RNF123: variants seen among roughly 807,000 people sequenced by gnomAD.
RNF123 encodes the protein E3 ubiquitin-protein ligase RNF123.
Under a neutral mutation model 168.5 loss-of-function variants are expected in RNF123, and 86 were observed. That is an observed-to-expected ratio of 0.51 (90% CI 0.43 to 0.61). RNF123 has a LOEUF of 0.61. Among genes scored for constraint, RNF123 ranks in the 20% least tolerant of loss-of-function variants. The pLI is 0.00. For synonymous variants in RNF123, 666 were observed against 689.1 expected (o/e 0.97, Z 0.52); for missense variants, 1,419 against 1,729.7 (o/e 0.82, Z 3.19).
chr3:49,709,002 C>T (rs1311368024), intron 26 of RNF123, among the ~76,000 whole-genome samples: 1 of 152,166 alleles, frequency 6.6e-6, no homozygotes, highest in Non-Finnish European at 1.5e-5. Flanking sequence ...GAGTCTCACT[C>T]TGTCACCCAG....
At chr3:49,709,793 G>C (rs1335246660) in intron 26 of RNF123, among the ~76,000 whole-genome samples, 2 of 150,580 alleles carry the variant, frequency 1.3e-5, no homozygotes, top group Admixed American at 1.3e-4. Context: ...GGCTGGTCTT[G>C]AACTGCTGAC....
In RNF123 at chr3:49,700,344, T is replaced by C; in HGVS notation, c.1102T>C (p.Phe368Leu). 6.2e-7 allele frequency: 1 copy of C among 1,614,160 alleles called. No homozygotes were observed. ...VHQVLDLLWL[F>L]MEDYEVQDCL... ...CCAGGTCCTGGACCTCTTGTGGCTC[T>C]TCATGGAGGTGAGGCTCCTGACCTC... The change falls in exon 13 of 39, where the codon TTC becomes CTC. Residue 368 changes from phenylalanine to leucine, a missense_variant. Around this residue, in one of 5 missense-constraint regions of RNF123, gnomAD observed 349 missense variants for 344.9 expected, o/e 1.01. Transcript: ENST00000327697.
At chr3:49,702,519 C>A in intron 19 of RNF123, 114 bp downstream of exon 19, 1 of 1,605,796 alleles carries the variant, frequency 6.2e-7, no homozygotes, top group Non-Finnish European at 8.5e-7. Flanking sequence ...CCAAGCTTTT[C>A]TCTGCTGCTT....
intron 35 of RNF123, chr3:49,717,470 C>T (rs2080270795): frequency 1.2e-5 from 2 of 171,618 alleles, no homozygotes; most frequent in African/African-American, 4.8e-5. Flanking sequence ...GGGCCCACTC[C>T]CTCCCACCCC....
intron 35 of RNF123, chr3:49,718,193 G>A (rs774925426): frequency 6.2e-7 from 1 of 1,613,052 alleles, no homozygotes; most frequent in East Asian, 2.2e-5. Flanking sequence ...TCTTGGAGCG[G>A]GCTGGGTGTT....
chr3:49,706,102 T>C, intron 25 of RNF123, 37 bp downstream of exon 25: 2 of 1,573,162 alleles, frequency 1.3e-6, no homozygotes, highest in Non-Finnish European at 1.7e-6. Flanking sequence ...GGCAGCTTGC[T>C]TACTCGTACA....
rs144900603 is a variant in RNF123 at position 49,718,702 on chromosome 3, T to C, written c.3501-1809T>C. On this transcript the variant is annotated intron_variant, in intron 35 of 38. Coordinates refer to ENST00000327697, the MANE Select transcript of RNF123 (RefSeq NM_022064.5). ...GAAGCGCACGCGGGACGCGGGTACC[T>C]TGAAGGCCAAGCATACGTACTCGCG... 5.0e-6 allele frequency: 8 copies of C among 1,612,886 alleles called. No individual in the cohort carries two copies. The African/African-American group carries it at 9.3e-5, about 19-fold the overall frequency.
intron 26 of RNF123, among the ~76,000 whole-genome samples, chr3:49,711,646 G>T (rs186934515): frequency 1.3e-3 from 200 of 152,202 alleles, no homozygotes; most frequent in African/African-American, 4.6e-3. Context: ...AAGCCCAGGT[G>T]CTGTGACCGC....
chr3:49,698,763 A>C lies in RNF123; in HGVS notation c.579A>C (p.Ala193=), dbSNP rs1390918812. ...VTTTNYGKAW[A]AGDIVSCLID... is the part of the protein sequence containing the mutation. ...GCCTCCTCTCATGGCAGGCGTGGGC[A>C]GCGGGGGACATCGTGAGCTGCCTGA... The change falls in exon 9 of 39, where the codon GCA becomes GCC. Residue 193 remains alanine (A), a synonymous_variant. Transcript: ENST00000327697. The C allele has an allele frequency of 6.2e-7, 1 of 1,613,778 alleles. No individual in the cohort carries two copies. Among genetic ancestry groups the C allele is most frequent in the Non-Finnish European group, 8.5e-7 (1 of 1,179,920 alleles).
At chr3:49,719,283 G>C in intron 35 of RNF123, 1 of 1,613,202 alleles carries the variant, frequency 6.2e-7, no homozygotes, top group South Asian at 1.1e-5. Flanking sequence ...CCGCAGTAGC[G>C]GCAGGTAACT....
intron 21 of RNF123, among the ~76,000 whole-genome samples, chr3:49,703,931 C>T (rs573307934): frequency 1.5e-3 from 224 of 152,294 alleles, no homozygotes; most frequent in African/African-American, 5.2e-3. Flanking sequence ...GTGTATACGC[C>T]GGAGTGCAGG....
At position 49,720,834 on chromosome 3, in the gene RNF123, A is replaced by G; in HGVS notation, c.3678A>G (p.Gln1226=). Residue 1226 remains glutamine, a synonymous_variant, in exon 37 of 39, where the codon CAA becomes CAG. Transcript: ENST00000327697. ...ATATCAGTGCCGATGAGCTGGCCCAAGTGGAACAGATGCTGGCGCACCTGA... is the reference window on the plus strand; with the variant it reads ...ATATCAGTGCCGATGAGCTGGCCCAGGTGGAACAGATGCTGGCGCACCTGA... ...ADYISADELA[Q]VEQMLAHLTS... The G allele has an allele frequency of 6.2e-7, 1 of 1,614,172 alleles. No individual in the cohort carries two copies. The highest frequency in any genetic ancestry group is 8.5e-7 in the Non-Finnish European group (1 of 1,180,030).
At chr3:49,700,401 G>T in intron 13 of RNF123, 49 bp downstream of exon 13, 1 of 1,612,424 alleles carries the variant, frequency 6.2e-7, no homozygotes, top group South Asian at 1.1e-5. Context: ...GTCTTCACTG[G>T]GGTCGGGAAG....
chr3:49,703,365 C>A, intron 20 of RNF123, 62 bp from the exon 21 acceptor site: 1 of 1,349,398 alleles, frequency 7.4e-7, no homozygotes, highest in Non-Finnish European at 1.0e-6. Flanking sequence ...GAGGGGAGGG[C>A]TGTGGGGAGG....
chr3:49,705,617 C>T lies in RNF123; in HGVS notation c.2242C>T (p.Leu748=). ...PEQPLTENSL[L]EVLDGAVMMY... is the part of the protein sequence containing the mutation. ...GCAGCCCCTCACCGAGAACTCGCTG[C>T]TGGAAGTCCTGGATGGGGCGGTCAT... Residue 748 remains leucine, a synonymous_variant, in exon 24 of 39, where the codon CTG becomes TTG. Coordinates refer to ENST00000327697, the MANE Select transcript of RNF123 (RefSeq NM_022064.5). 6.2e-7 allele frequency: 1 copy of T among 1,614,030 alleles called. No homozygotes were observed. The highest frequency in any genetic ancestry group is 8.5e-7 in the Non-Finnish European group (1 of 1,179,972).
At position 49,716,169 on chromosome 3, in the gene RNF123, G is replaced by A. The variant is rs766298120; in HGVS notation, c.3407G>A (p.Arg1136Gln). 6 of 1,613,480 alleles carry A rather than the reference G, an allele frequency of 3.7e-6. No homozygotes were observed. In the East Asian group the frequency reaches 6.7e-5, roughly 18 times the overall value. ...RNLFDRVVTL[R>Q]LPGLESVDHY... ...CTGTTTGATCGTGTGGTCACCCTAC[G>A]GCTGCCTGGTGAGGACCTAGATGCC... The change falls in exon 34 of 39, where the codon CGG becomes CAG. Residue 1136 changes from arginine (R) to glutamine (Q), a missense_variant. By Grantham distance (43) the Arg-to-Gln change is conservative (BLOSUM62 1). Coordinates refer to ENST00000327697, the MANE Select transcript of RNF123 (RefSeq NM_022064.5).
rs749644233 is a variant in RNF123 at position 49,702,423 on chromosome 3, C to T, written c.1629+18C>T. The stretch of plus-strand genomic sequence containing the variant: ...GCCGGGGGGTAGGTGTCCTCCAGGC[C>T]AGCCCACTGTGGATCCCCGGCTGCA... On this transcript the variant is annotated intron_variant, in intron 19 of 38. Coordinates refer to ENST00000327697, the MANE Select transcript of RNF123 (RefSeq NM_022064.5). 1 of 1,613,834 alleles carries T rather than the reference C, an allele frequency of 6.2e-7. No homozygotes were observed. The highest frequency in any genetic ancestry group is 1.1e-5 in the South Asian group (1 of 91,080).
chr3:49,712,222 A>G (rs1326901745), intron 26 of RNF123, among the ~76,000 whole-genome samples: 1 of 151,870 alleles, frequency 6.6e-6, no homozygotes, highest in Non-Finnish European at 1.5e-5. Context: ...TCTCAAAAAA[A>G]AAAAAAACTT....
In RNF123 at chr3:49,716,018, C is replaced by G; in HGVS notation, c.3339+8C>G. 6.2e-7 allele frequency: 1 copy of G among 1,613,882 alleles called. No individual in the cohort carries two copies. Among genetic ancestry groups the G allele is most frequent in the Non-Finnish European group, 8.5e-7 (1 of 1,179,980 alleles). On this transcript the variant is annotated splice_region_variant and intron_variant, in intron 33 of 38. Coordinates refer to ENST00000327697, the MANE Select transcript of RNF123 (RefSeq NM_022064.5). ...CTGCGGCGTCTTGCACAGGTGTGGC[C>G]ATCTGGGCAACAAGGGTGGGACCCT...
Sources: allele counts gnomAD v4.1 joint callset (sites outside exome capture counted in the v4.1 genomes callset), GRCh38; gene constraint gnomAD v4.1.1; regional missense constraint gnomAD v4.1.1; transcripts MANE v1.5; gene names NCBI Gene and HGNC (gene_info 2026-07-23, HGNC 2026-07-21).